The following SCGB2B2 variants were observed in gnomAD, a reference collection of about 807,000 sequenced individuals.
SCGB2B2 encodes secretoglobin-like protein.
A neutral mutation model predicts 7.6 loss-of-function variants in SCGB2B2; 11 were observed. The ratio of observed to expected loss-of-function variants is 1.45; its 90% CI spans 0.91 to 2.40. SCGB2B2 has a LOEUF of 2.40. SCGB2B2 is among the 30% of genes most tolerant of loss of function. The pLI is 0.00. For missense variants in SCGB2B2, 104 were observed against 115.4 expected (o/e 0.90, Z 0.45); for synonymous variants, 50 against 48.6 (o/e 1.03, Z -0.12).
At chr19:34,593,626 G>C in intron 3 of SCGB2B2, 27 bp from the exon 4 acceptor site, 1 of 1,547,614 alleles carries the variant, frequency 6.5e-7, no homozygotes, top group South Asian at 1.2e-5. Context: ...AAAGAGAGGA[G>C]CCGGTGGCCT....
At chr19:34,599,050 C>G (rs2065541988) in intron 1 of SCGB2B2, among the ~76,000 whole-genome samples, 1 of 152,274 alleles carries the variant, frequency 6.6e-6, no homozygotes, top group Non-Finnish European at 1.5e-5. Flanking sequence ...CTCCTCCCAG[C>G]TCACCTGCTT....
chr19:34,588,591 C>G (rs985474250), downstream of SCGB2B2, among the ~76,000 whole-genome samples: 3 of 152,234 alleles, frequency 2.0e-5, no homozygotes, highest in African/African-American at 7.2e-5. Flanking sequence ...TTCCAGACCT[C>G]TGGCATGCTC....
intron 1 of SCGB2B2, among the ~76,000 whole-genome samples, chr19:34,644,195 CTAAAA>C (rs1235913963): frequency 6.6e-6 from 1 of 152,058 alleles, no homozygotes; most frequent in Non-Finnish European, 1.5e-5. Flanking sequence ...CAGATAGTGC[CTAAAA>C]TAAAAATTTT....
intron 1 of SCGB2B2, among the ~76,000 whole-genome samples, chr19:34,628,095 C>A (rs1253724834): frequency 6.6e-6 from 1 of 151,678 alleles, no homozygotes; most frequent in African/African-American, 2.4e-5. Context: ...CACAACATAC[C>A]AGAATCTCTG....
intron 1 of SCGB2B2, among the ~76,000 whole-genome samples, chr19:34,604,153 T>C (rs1346130299): frequency 6.6e-6 from 1 of 152,176 alleles, no homozygotes; most frequent in African/African-American, 2.4e-5. Context: ...TCATTCAGTG[T>C]CCATACATCA....
intron 1 of SCGB2B2, among the ~76,000 whole-genome samples, chr19:34,623,591 T>TACC (rs1439548274): frequency 6.6e-6 from 1 of 152,154 alleles, no homozygotes; most frequent in African/African-American, 2.4e-5. Flanking sequence ...CCTAGCTCTC[T>TACC]ACCTATCTCT....
chr19:34,587,184 A>G (rs566574075), downstream of SCGB2B2, among the ~76,000 whole-genome samples: 1 of 152,300 alleles, frequency 6.6e-6, no homozygotes, highest in South Asian at 2.1e-4. Flanking sequence ...TTGGGATTAC[A>G]GGTGTGAGCC....
At chr19:34,602,372 T>C (rs558202700) in intron 1 of SCGB2B2, among the ~76,000 whole-genome samples, 6 of 152,346 alleles carry the variant, frequency 3.9e-5, no homozygotes, top group South Asian at 4.1e-4. Context: ...ATTTTGTCTA[T>C]GTCCTTGAGT....
intron 1 of SCGB2B2, among the ~76,000 whole-genome samples, chr19:34,650,017 T>C (rs544446955): frequency 4.6e-4 from 70 of 151,418 alleles, no homozygotes; most frequent in Admixed American, 1.0e-3. Context: ...CTAAGTGTCC[T>C]GAGGGCAATA....
intron 1 of SCGB2B2, chr19:34,638,223 A>C (rs1316029959): frequency 6.6e-6 from 1 of 152,218 alleles, no homozygotes. Context: ...TGAGGTGGGC[A>C]GATCACTTGA....
intron 1 of SCGB2B2, chr19:34,638,238 A>C (rs1004920820): frequency 1.3e-5 from 2 of 152,274 alleles, no homozygotes; most frequent in Non-Finnish European, 2.9e-5. Context: ...ACTTGAGGTC[A>C]GGAGTTCGAG....
chr19:34,670,528 C>G (rs61047295), intron 1 of SCGB2B2, among the ~76,000 whole-genome samples: 6 of 152,200 alleles, frequency 3.9e-5, no homozygotes, highest in Non-Finnish European at 7.3e-5. Context: ...ACTGCCATCC[C>G]TCTATCTTCT....
chr19:34,666,943 G>A (rs985155987), intron 1 of SCGB2B2, among the ~76,000 whole-genome samples: 3 of 152,052 alleles, frequency 2.0e-5, no homozygotes, highest in Non-Finnish European at 4.4e-5. Context: ...CGAGGACAAG[G>A]ACACCTACAT....
chr19:34,630,706 C>T lies in SCGB2B2; in HGVS notation c.-2031-34112G>A, dbSNP rs559052001. On this transcript the variant is annotated intron_variant, in intron 1 of 3. Coordinates refer to ENST00000601241, the MANE Select transcript of SCGB2B2 (RefSeq NM_001025591.4). Reference sequence around the variant, plus strand: ...TCAACCATTGTGGAAGTCGGTGTGGCGATTCCTCAGGGATCTAGAACTAGT... The same window carrying T: ...TCAACCATTGTGGAAGTCGGTGTGGTGATTCCTCAGGGATCTAGAACTAGT... Among the ~76,000 whole-genome samples, 261 of 152,242 alleles carry T rather than the reference C, an allele frequency of 1.7e-3. 1 individual carries two copies. The highest frequency in any genetic ancestry group is 5.7e-3 in the African/African-American group (236 of 41,550).
rs1323981716 is a variant in SCGB2B2 at position 34,676,440 on chromosome 19, T to C, written c.-2842A>G. The C allele has an allele frequency of 6.6e-6, 1 of 152,196 alleles. No homozygotes were observed. Among genetic ancestry groups the C allele is most frequent in the African/African-American group, 2.4e-5 (1 of 41,434 alleles). The allele number at this position is 152,196 out of a possible 1,614,324, so 9.4% of individuals were successfully genotyped here. A position where few individuals can be genotyped will look rare whatever the true frequency, so the allele number is the denominator to read the frequency against. On this transcript the variant is annotated 5_prime_UTR_variant, in exon 1 of 4. Coordinates refer to ENST00000601241, the MANE Select transcript of SCGB2B2 (RefSeq NM_001025591.4). ...AGCCCTCAGCTCCGAGAAATTGAAA[T>C]TGCCCACCTCTTTCCTGGAAAACTC... is the stretch of plus-strand genomic sequence containing the variant.
At chr19:34,665,837 C>T in intron 1 of SCGB2B2, among the ~76,000 whole-genome samples, 1 of 152,070 alleles carries the variant, frequency 6.6e-6, no homozygotes, top group East Asian at 1.9e-4. Context: ...GGGACCTGGC[C>T]CTCTTGGCCC....
At chr19:34,623,545 A>G (rs1412196074) in intron 1 of SCGB2B2, among the ~76,000 whole-genome samples, 1 of 152,186 alleles carries the variant, frequency 6.6e-6, no homozygotes, top group African/African-American at 2.4e-5. Context: ...CAGAGGAGCT[A>G]GTCAGCAGGA....
chr19:34,604,588 G>A (rs116244078), intron 1 of SCGB2B2, among the ~76,000 whole-genome samples: 2,658 of 152,152 alleles, frequency 0.017, 86 homozygotes, highest in African/African-American at 0.059. Context: ...AGTAAAAGTG[G>A]GCCAATTGAA....
chr19:34,594,715 G>A lies in SCGB2B2; in HGVS notation c.-152C>T. 2 of 720,536 alleles carry A rather than the reference G, an allele frequency of 2.8e-6. No homozygotes were observed. Among genetic ancestry groups the A allele is most frequent in the Non-Finnish European group, 4.9e-6 (2 of 408,138 alleles). 44.6% of individuals were successfully genotyped at this position (720,536 alleles called of 1,614,324 possible). A position where few individuals can be genotyped will look rare whatever the true frequency, so the allele number is the denominator to read the frequency against. Reference sequence around the variant, plus strand: ...TGTGTGTGTGTGTGAATGTGGTCAGGGCAGGTCTGCAGAGAGACCCTCGGC... The same window carrying A: ...TGTGTGTGTGTGTGAATGTGGTCAGAGCAGGTCTGCAGAGAGACCCTCGGC... On this transcript the variant is annotated 5_prime_UTR_variant, in exon 2 of 4. Transcript: ENST00000601241.
Sources: gnomAD v4.1 joint callset for allele counts (sites outside exome capture counted in the v4.1 genomes callset) on GRCh38, gnomAD v4.1.1 for gene constraint, MANE v1.5 for transcripts, NCBI Gene and HGNC (gene_info 2026-07-23, HGNC 2026-07-21) for gene names.